PABPC4L: variants seen among roughly 807,000 people sequenced by gnomAD.
PABPC4L encodes polyadenylate-binding protein 4-like.
For synonymous variants in PABPC4L, 169 were observed against 164.1 expected, an observed-to-expected ratio of 1.03 and a Z score of -0.23; for missense variants, 452 against 451.4, an observed-to-expected ratio of 1.00 and a Z score of -0.01.
the PABPC4L span, among the ~76,000 whole-genome samples, chr4:134,025,079 C>T: frequency 6.7e-6 from 1 of 150,144 alleles, no homozygotes; most frequent in East Asian, 2.0e-4. Context: ...ACCTGTAATC[C>T]CAGCACTTTG....
chr4:134,127,510 A>G, the PABPC4L span, among the ~76,000 whole-genome samples: 1 of 151,990 alleles, frequency 6.6e-6, no homozygotes, highest in Non-Finnish European at 1.5e-5. Flanking sequence ...CCAGTTCAGA[A>G]CCCAGTGGCT....
At chr4:133,961,904 C>T in the PABPC4L span, among the ~76,000 whole-genome samples, 1 of 152,132 alleles carries the variant, frequency 6.6e-6, no homozygotes, top group Non-Finnish European at 1.5e-5. Flanking sequence ...CTGAATAGAG[C>T]TATAACACTC....
At chr4:133,978,894 C>T in the PABPC4L span, 1 of 152,080 alleles carries the variant, frequency 6.6e-6, no homozygotes, top group East Asian at 1.9e-4. Flanking sequence ...TACTGGACAT[C>T]TACAAATACA....
the PABPC4L span, among the ~76,000 whole-genome samples, chr4:134,082,674 C>A: frequency 3.9e-5 from 6 of 152,048 alleles, no homozygotes; most frequent in South Asian, 1.2e-3. Flanking sequence ...AATTGAGGTA[C>A]TTCTCAGTGT....
chr4:133,987,357 A>G, the PABPC4L span, among the ~76,000 whole-genome samples: 1 of 152,168 alleles, frequency 6.6e-6, no homozygotes, highest in African/African-American at 2.4e-5. Flanking sequence ...GGGCCAGAAG[A>G]CAAATAGCTA....
the PABPC4L span, among the ~76,000 whole-genome samples, chr4:134,070,434 T>C: frequency 0.71 from 108,386 of 151,924 alleles, 39,188 homozygotes; most frequent in East Asian, 0.95. Context: ...TGCAAGGCTG[T>C]TGGCCTCCTT....
At chr4:134,140,084 C>T in the PABPC4L span, among the ~76,000 whole-genome samples, 1 of 151,766 alleles carries the variant, frequency 6.6e-6, no homozygotes. Flanking sequence ...AAGTGCTATT[C>T]AGACCCCTGT....
At chr4:134,138,628 C>T in the PABPC4L span, among the ~76,000 whole-genome samples, 1 of 151,434 alleles carries the variant, frequency 6.6e-6, no homozygotes, top group Non-Finnish European at 1.5e-5. Flanking sequence ...TTTCCAGTGG[C>T]CAAATGATAC....
the PABPC4L span, among the ~76,000 whole-genome samples, chr4:134,114,905 G>T: frequency 6.6e-6 from 1 of 151,814 alleles, no homozygotes; most frequent in Non-Finnish European, 1.5e-5. Context: ...TCAAAGAATT[G>T]TAGTCAATTT....
the PABPC4L span, among the ~76,000 whole-genome samples, chr4:134,012,266 C>A: frequency 1.3e-5 from 2 of 152,086 alleles, no homozygotes; most frequent in South Asian, 2.1e-4. Context: ...CCTGCACGTA[C>A]ACACTCAGAT....
chr4:134,121,495 C>T, the PABPC4L span, among the ~76,000 whole-genome samples: 2 of 151,444 alleles, frequency 1.3e-5, no homozygotes, highest in Admixed American at 6.6e-5. Flanking sequence ...TGAGATGGTT[C>T]GGAGCTAAAT....
At chr4:134,051,580 A>G in the PABPC4L span, among the ~76,000 whole-genome samples, 1 of 152,144 alleles carries the variant, frequency 6.6e-6, no homozygotes, top group Non-Finnish European at 1.5e-5. Flanking sequence ...CTTTCAGGTT[A>G]AGAAATTTTA....
chr4:134,006,699 T>C, the PABPC4L span, among the ~76,000 whole-genome samples: 1 of 151,916 alleles, frequency 6.6e-6, no homozygotes, highest in Non-Finnish European at 1.5e-5. Flanking sequence ...AGGTTGCTTA[T>C]ATTTACGAGT....
chr4:134,137,918 C>A, the PABPC4L span, among the ~76,000 whole-genome samples: 3 of 151,568 alleles, frequency 2.0e-5, no homozygotes, highest in Non-Finnish European at 4.4e-5. Flanking sequence ...GTACATTTCC[C>A]AAATTACTCA....
In PABPC4L at chr4:134,200,915, A is replaced by T; in HGVS notation, c.105T>A (p.Pro35=). The change falls in exon 2 of 2, where the codon CCT becomes CCA. Residue 35 remains proline, a synonymous_variant. Coordinates refer to ENST00000421491, the MANE Select transcript of PABPC4L (RefSeq NM_001114734.2). ...LLFRKFSTVG[P]VLSIRICRDQ... ...CCCTGCAAATGCGGATGGACAGCACAGGCCCCACAGTGCTGAACTTCCTGA... is the reference window on the plus strand; with the variant it reads ...CCCTGCAAATGCGGATGGACAGCACTGGCCCCACAGTGCTGAACTTCCTGA... 6.4e-7 allele frequency: 1 copy of T among 1,561,066 alleles called. No homozygotes were observed. The highest frequency in any genetic ancestry group is 2.4e-5 in the East Asian group (1 of 41,862).
the PABPC4L span, among the ~76,000 whole-genome samples, chr4:133,987,240 A>T: frequency 6.6e-6 from 1 of 152,168 alleles, no homozygotes. Flanking sequence ...GGGTGAATAC[A>T]TTTCTAAGGT....
chr4:134,028,836 A>G, the PABPC4L span, among the ~76,000 whole-genome samples: 2 of 152,216 alleles, frequency 1.3e-5, no homozygotes, highest in African/African-American at 4.8e-5. Flanking sequence ...CTTGTAAATT[A>G]CAGTGATAAG....
chr4:134,019,106 A>C, the PABPC4L span, among the ~76,000 whole-genome samples: 1 of 152,176 alleles, frequency 6.6e-6, no homozygotes, highest in Non-Finnish European at 1.5e-5. Context: ...CATTTAAATA[A>C]AAATTAGAGA....
the PABPC4L span, among the ~76,000 whole-genome samples, chr4:134,066,081 T>C: frequency 1.7e-4 from 26 of 152,174 alleles, no homozygotes; most frequent in African/African-American, 6.0e-4. Flanking sequence ...TTGCCTTTGG[T>C]ATTAGGGCTC....
Sources: allele counts gnomAD v4.1 joint callset (sites outside exome capture counted in the v4.1 genomes callset), GRCh38; gene constraint gnomAD v4.1.1; transcripts MANE v1.5; gene names NCBI Gene and HGNC (gene_info 2026-07-23, HGNC 2026-07-21).